The following DMD variants were observed in gnomAD, a reference collection of about 807,000 sequenced individuals.
DMD encodes dystrophin.
Under a neutral mutation model 330.1 loss-of-function variants are expected in DMD, and 63 were observed. The ratio of observed to expected loss-of-function variants is 0.19; its 90% confidence interval spans 0.16 to 0.24. The LOEUF (loss-of-function observed/expected upper bound fraction) is 0.24. Ranked by LOEUF, DMD falls within the 10% of genes least tolerant of loss-of-function variation. The pLI is 1.00. For synonymous variants in DMD, 1,223 were observed against 959.8 expected (o/e 1.27, Z -5.07); for missense variants, 3,344 against 2,684.1 (o/e 1.25, Z -5.43).
At chrX:31,515,220 C>T (rs940598549) in intron 55 of DMD, among the ~76,000 whole-genome samples, 5 of 111,440 alleles carry the variant, frequency 4.5e-5, no homozygotes, top group Non-Finnish European at 9.4e-5. Context: ...ATTTTATTAA[C>T]CATTAAGCAG....
intron 59 of DMD, among the ~76,000 whole-genome samples, chrX:31,467,463 A>G (rs1012977383): frequency 9.8e-5 from 11 of 111,922 alleles, no homozygotes; most frequent in Non-Finnish European, 1.9e-4. Context: ...GTGATGGATT[A>G]TGTTTATTGA....
At chrX:32,769,179 C>G (rs1334510391) in intron 7 of DMD, among the ~76,000 whole-genome samples, 1 of 112,531 alleles carries the variant, frequency 8.9e-6, no homozygotes, top group Non-Finnish European at 1.9e-5. Flanking sequence ...CCTGCCGAGA[C>G]TGGACGATTT....
At chrX:31,512,451 G>C (rs2071717648) in intron 55 of DMD, among the ~76,000 whole-genome samples, 1 of 101,603 alleles carries the variant, frequency 9.8e-6, no homozygotes, top group South Asian at 4.9e-4. Flanking sequence ...TTTCTTCTAG[G>C]GTTTTTATGG....
chrX:31,291,384 A>G (rs1193760329), intron 62 of DMD, among the ~76,000 whole-genome samples: 1 of 111,860 alleles, frequency 8.9e-6, no homozygotes, highest in East Asian at 2.8e-4. Flanking sequence ...AACTTTCCGG[A>G]GCCACCATTC....
intron 44 of DMD, among the ~76,000 whole-genome samples, chrX:32,100,767 A>T (rs2096536294): frequency 9.0e-6 from 1 of 111,417 alleles, no homozygotes; most frequent in African/African-American, 3.3e-5. Flanking sequence ...GCTTGGTCCC[A>T]TCTTTGCTTC....
chrX:32,873,855 G>A (rs1603451542), intron 2 of DMD, among the ~76,000 whole-genome samples: 1 of 112,209 alleles, frequency 8.9e-6, no homozygotes, highest in Admixed American at 9.4e-5. Context: ...TCAATCTGAA[G>A]TCCACAGGGA....
At chrX:32,546,439 G>C (rs142625893) in intron 16 of DMD, among the ~76,000 whole-genome samples, 2 of 110,203 alleles carry the variant, frequency 1.8e-5, no homozygotes, top group East Asian at 5.7e-4. Flanking sequence ...GGAAGGGTTT[G>C]TAGTAATCTC....
chrX:32,463,381 T>A, intron 25 of DMD, 58 bp downstream of exon 25: 3 of 1,076,785 alleles, frequency 2.8e-6, no homozygotes, highest in Non-Finnish European at 2.5e-6. Flanking sequence ...AAGGGAGACA[T>A]TAGGAAATCT....
intron 51 of DMD, among the ~76,000 whole-genome samples, chrX:31,761,940 A>G (rs778917509): frequency 1.3e-3 from 146 of 112,375 alleles, no homozygotes; most frequent in African/African-American, 4.7e-3. Flanking sequence ...CTTCTTAGCT[A>G]AAAAAATCCA....
chrX:33,073,313 A>G (rs1331657570), intron 1 of DMD, among the ~76,000 whole-genome samples: 2 of 112,013 alleles, frequency 1.8e-5, no homozygotes, highest in Non-Finnish European at 3.8e-5. Context: ...TGCCTGCTAT[A>G]TATCACAAAG....
intron 21 of DMD, among the ~76,000 whole-genome samples, chrX:32,483,282 T>C (rs1258901816): frequency 9.6e-6 from 1 of 104,109 alleles, no homozygotes; most frequent in African/African-American, 3.4e-5. Flanking sequence ...TTACATATAA[T>C]AGCAGTGAAA....
chrX:33,280,223 C>T (rs151275963), intron 1 of DMD, among the ~76,000 whole-genome samples: 2,425 of 111,254 alleles, frequency 0.022, 61 homozygotes, highest in African/African-American at 0.075. Flanking sequence ...GCGTAAGCGA[C>T]CAGCTTGCCT....
At chrX:32,824,732 C>G (rs753545146) in intron 4 of DMD, among the ~76,000 whole-genome samples, 1 of 112,041 alleles carries the variant, frequency 8.9e-6, no homozygotes, top group Admixed American at 9.5e-5. Context: ...TTGCATAGAA[C>G]TAAATACACA....
chrX:31,542,008 C>T (rs2073856734), intron 55 of DMD, among the ~76,000 whole-genome samples: 1 of 111,824 alleles, frequency 8.9e-6, no homozygotes, highest in Non-Finnish European at 1.9e-5. Flanking sequence ...TTTTAAAGAA[C>T]GTGGCTACTA....
chrX:32,327,995 G>A (rs2097659815), intron 41 of DMD, among the ~76,000 whole-genome samples: 1 of 111,095 alleles, frequency 9.0e-6, no homozygotes, highest in African/African-American at 3.3e-5. Context: ...ATTATATCCA[G>A]ACCAATTATT....
intron 9 of DMD, among the ~76,000 whole-genome samples, chrX:32,690,309 G>A (rs906953348): frequency 1.8e-5 from 2 of 111,140 alleles, no homozygotes; most frequent in African/African-American, 6.5e-5. Flanking sequence ...AGAGGTCAAA[G>A]AGTATGTACT....
At position 32,501,768 on chromosome X, in the gene DMD, T is replaced by C. The variant is rs376648723; in HGVS notation, c.2367A>G (p.Glu789=). ...TCGTGTAATTACCATTCACCATCTG[T>C]TCCACCAGGGCCTGAGCTGATCTGC... is the stretch of plus-strand genomic sequence containing the variant. The part of the protein sequence containing the change: ...DASRSAQALV[E]QMVNEGVNAD... Residue 789 remains glutamate (E), a synonymous_variant, in exon 19 of 79, where the codon GAA becomes GAG. Transcript: ENST00000357033. 25 of 1,206,369 alleles carry C rather than the reference T, an allele frequency of 2.1e-5. No homozygotes were observed. Among genetic ancestry groups the C allele is most frequent in the East Asian group, 3.0e-5 (1 of 33,772 alleles).
At chrX:31,569,571 G>A (rs929282452) in intron 55 of DMD, among the ~76,000 whole-genome samples, 55 of 72,735 alleles carry the variant, frequency 7.6e-4, no homozygotes, top group African/African-American at 2.0e-3. Flanking sequence ...ATATATATAT[G>A]TGTATATATA....
At chrX:31,410,207 C>CATGCA (rs1468890287) in intron 60 of DMD, among the ~76,000 whole-genome samples, 1 of 112,333 alleles carries the variant, frequency 8.9e-6, no homozygotes, top group Non-Finnish European at 1.9e-5. Context: ...TGACCTTATT[C>CATGCA]ATGCAATGCA....
Sources: allele counts gnomAD v4.1 joint callset (sites outside exome capture counted in the v4.1 genomes callset), GRCh38; gene constraint gnomAD v4.1.1; transcripts MANE v1.5; gene names NCBI Gene and HGNC (gene_info 2026-07-23, HGNC 2026-07-21).